The following SEMA4D variants were observed in gnomAD, a reference collection of about 807,000 sequenced individuals.
SEMA4D encodes semaphorin 4D, also known as semaphorin-4D.
SEMA4D carries 22 observed loss-of-function variants against 74.8 expected under a neutral mutation model. That is an observed-to-expected ratio of 0.29 (90% CI 0.21 to 0.42). The LOEUF is 0.42. Among genes scored for constraint, SEMA4D ranks in the 10% least tolerant of loss-of-function variants. SEMA4D has a pLI of 1.00. For synonymous variants in SEMA4D, 445 were observed against 463.7 expected (o/e 0.96, Z 0.52); for missense variants, 937 against 1,118.4 (o/e 0.84, Z 2.31).
Position 89,495,193 on chromosome 9 carries a change from G to C in SEMA4D, c.-310+2726C>G, listed in dbSNP as rs117152973. Among the ~76,000 whole-genome samples the C allele has an allele frequency of 4.2e-3, 645 of 152,256 alleles. 3 individuals carry two copies. The highest frequency in any genetic ancestry group is 6.9e-3 in the Admixed American group (105 of 15,300). On this transcript the variant is annotated intron_variant, in intron 1 of 15. Transcript: ENST00000422704. ...GGGAAGGCGGCTGCTGATGCCCCAG[G>C]GGAAGCAGCAAGGCAGTAGAAAGCT...
chr9:89,398,543 A>C (rs1315236065), intron 5 of SEMA4D, among the ~76,000 whole-genome samples: 3 of 152,240 alleles, frequency 2.0e-5, no homozygotes, highest in Middle Eastern at 6.3e-3. Context: ...TACCCAAAAA[A>C]GGCTGTCATA....
chr9:89,476,245 A>G (rs1861715387), intron 1 of SEMA4D, among the ~76,000 whole-genome samples: 1 of 151,934 alleles, frequency 6.6e-6, no homozygotes, highest in Non-Finnish European at 1.5e-5. Flanking sequence ...CACCTTGAGC[A>G]AGCTCACACA....
intron 2 of SEMA4D, among the ~76,000 whole-genome samples, chr9:89,439,091 C>T (rs1318140471): frequency 6.6e-6 from 1 of 150,780 alleles, no homozygotes; most frequent in Admixed American, 6.6e-5. Context: ...CAGCGATCCT[C>T]CTGCCTCCGC....
intron 1 of SEMA4D, among the ~76,000 whole-genome samples, chr9:89,467,177 T>G (rs575991589): frequency 6.6e-6 from 1 of 152,178 alleles, no homozygotes; most frequent in African/African-American, 2.4e-5. Context: ...CACAAGGACA[T>G]GGGTACACGG....
chr9:89,438,962 GCCTTTTT>G (rs1851077785), intron 2 of SEMA4D, among the ~76,000 whole-genome samples: 3 of 111,784 alleles, frequency 2.7e-5, no homozygotes, highest in Admixed American at 1.1e-4. Flanking sequence ...ACCGCACCGG[GCCTTTTT>G]TTTTTTTTTT....
At chr9:89,417,234 C>T (rs745517187) in intron 2 of SEMA4D, among the ~76,000 whole-genome samples, 2 of 152,176 alleles carry the variant, frequency 1.3e-5, no homozygotes, top group African/African-American at 2.4e-5. Context: ...AGTGCCAATT[C>T]CTAATAAATA....
Position 89,391,387 on chromosome 9 carries a change from G to A in SEMA4D, c.651C>T (p.Ile217=), listed in dbSNP as rs1424930941. 2.5e-6 allele frequency: 4 copies of A among 1,614,118 alleles called. No homozygotes were observed. The East Asian group carries it at 8.9e-5, about 36-fold the overall frequency. ...NEPSFVFADV[I]RKSPDSPDGE... ...CGTCGGGGCTGTCTGGGCTTTTTCG[G>A]ATCACGTCAGCAAACACGAAACTAG... The change falls in exon 9 of 16, where the codon ATC becomes ATT. Residue 217 remains isoleucine, a synonymous_variant. Coordinates refer to ENST00000422704, the MANE Select transcript of SEMA4D (RefSeq NM_001371194.2).
chr9:89,450,086 A>C (rs1380151666), intron 2 of SEMA4D: 1 of 1,251,682 alleles, frequency 8.0e-7, no homozygotes, highest in East Asian at 2.3e-5. Context: ...TTGCCCACTT[A>C]TTTAACTGCA....
intron 4 of SEMA4D, among the ~76,000 whole-genome samples, chr9:89,400,277 GC>G (rs1841909459): frequency 6.6e-6 from 1 of 152,188 alleles, no homozygotes; most frequent in Non-Finnish European, 1.5e-5. Flanking sequence ...GCCCTCCAAA[GC>G]CCCCACAGAA....
intron 1 of SEMA4D, among the ~76,000 whole-genome samples, chr9:89,462,364 T>TA (rs1564879626): frequency 6.6e-6 from 1 of 152,188 alleles, no homozygotes; most frequent in Non-Finnish European, 1.5e-5. Context: ...CAAAAGCCCA[T>TA]AAGGCTAGCT....
chr9:89,428,242 A>G (rs535282709), intron 2 of SEMA4D, among the ~76,000 whole-genome samples: 1 of 152,228 alleles, frequency 6.6e-6, no homozygotes, highest in Non-Finnish European at 1.5e-5. Flanking sequence ...GAGGACCACC[A>G]CTGGCCACCA....
rs188479174 is a variant in SEMA4D, at chr9:89,438,900, C to T, written c.-244+16988G>A. On this transcript the variant is annotated intron_variant, in intron 2 of 15. Coordinates refer to ENST00000422704, the MANE Select transcript of SEMA4D (RefSeq NM_001371194.2). ...CAGGATGGTCTCAGTCTCCTGACCT[C>T]GTGATCCACCCGCCTCGGCCTCCCA... Among the ~76,000 whole-genome samples, 1,296 of 143,902 alleles carry T rather than the reference C, an allele frequency of 9.0e-3. 13 individuals carry two copies. Among genetic ancestry groups the T allele is most frequent in the Non-Finnish European group, 0.013 (896 of 66,896 alleles). 94.4% of individuals were successfully genotyped at this position (143,902 alleles called of 152,430 possible). A position where few individuals can be genotyped will look rare whatever the true frequency, so the allele number is the denominator to read the frequency against.
intron 1 of SEMA4D, among the ~76,000 whole-genome samples, chr9:89,495,485 C>A (rs1825936310): frequency 6.6e-6 from 1 of 152,122 alleles, no homozygotes; most frequent in Non-Finnish European, 1.5e-5. Context: ...GGCTGAGGAA[C>A]TGCACCTGCC....
Position 89,381,987 on chromosome 9 carries a change from C to T in SEMA4D, c.1447-641G>A, listed in dbSNP as rs1459734766. On this transcript the variant is annotated intron_variant, in intron 13 of 15. Transcript: ENST00000422704. This position sits in a 1 kb window ranked among gnomAD's most constrained non-coding sequence, Gnocchi z 4.6. Reference sequence around the variant, plus strand: ...CTTATCTATATGTAAAAGGGAAGAGCTCACAGACGGGAAGTCAACCTCCGA... The same window carrying T: ...CTTATCTATATGTAAAAGGGAAGAGTTCACAGACGGGAAGTCAACCTCCGA... The T allele has an allele frequency of 6.6e-6, 1 of 152,280 alleles. No homozygotes were observed. The highest frequency in any genetic ancestry group is 1.5e-5 in the Non-Finnish European group (1 of 68,056). 9.4% of individuals were successfully genotyped at this position (152,280 alleles called of 1,614,324 possible).
At chr9:89,388,069 C>T (rs180834076) in intron 11 of SEMA4D, among the ~76,000 whole-genome samples, 5 of 152,272 alleles carry the variant, frequency 3.3e-5, no homozygotes, top group East Asian at 1.9e-4. Context: ...ACACATTTTA[C>T]GAAGCTATGC....
intron 6 of SEMA4D, among the ~76,000 whole-genome samples, chr9:89,395,430 A>G (rs965670834): frequency 6.6e-6 from 1 of 152,212 alleles, no homozygotes; most frequent in Non-Finnish European, 1.5e-5. Flanking sequence ...GTCTCAAAAA[A>G]AAAAAAAAAT....
intron 2 of SEMA4D, chr9:89,450,511 A>G (rs1275071706): frequency 7.8e-7 from 1 of 1,286,860 alleles, no homozygotes; most frequent in East Asian, 2.3e-5. Flanking sequence ...TTTGTTGCCC[A>G]GTTTAAATTT....
downstream of SEMA4D, chr9:89,376,371 A>AT (rs111835397): frequency 0.056 from 8,235 of 146,632 alleles, 321 homozygotes; most frequent in African/African-American, 0.1. Flanking sequence ...GTCTCTTGAA[A>AT]TTTTTTTTTT....
chr9:89,449,750 C>T, intron 2 of SEMA4D: 1 of 1,524,302 alleles, frequency 6.6e-7, no homozygotes, highest in Non-Finnish European at 9.1e-7. Flanking sequence ...GGAAAATCTT[C>T]AAGAAAGAAA....
Sources: gnomAD v4.1 joint callset for allele counts (sites outside exome capture counted in the v4.1 genomes callset) on GRCh38, gnomAD v4.1.1 for gene constraint, Gnocchi (gnomAD v3.1) non-coding constraint, MANE v1.5 for transcripts, NCBI Gene and HGNC (gene_info 2026-07-23, HGNC 2026-07-21) for gene names.